The following PAM variants were observed in gnomAD, a reference collection of about 807,000 sequenced individuals.
The protein encoded by PAM is peptidylglycine alpha-amidating monooxygenase.
PAM carries 72 observed loss-of-function variants against 122.1 expected under a neutral mutation model. That is an observed-to-expected ratio of 0.59 (90% CI 0.49 to 0.72). PAM has a LOEUF of 0.72. Among genes scored for constraint, PAM ranks in the 30% least tolerant of loss-of-function variants. PAM has a pLI of 0.00. For synonymous variants in PAM, 389 were observed against 404.4 expected (o/e 0.96, Z 0.46); for missense variants, 1,106 against 1,183.7 (o/e 0.93, Z 0.96).
intron 3 of PAM, among the ~76,000 whole-genome samples, chr5:102,884,201 A>AT (rs1470515957): frequency 1.3e-5 from 2 of 151,864 alleles, no homozygotes; most frequent in African/African-American, 4.8e-5. Flanking sequence ...AATATATGTT[A>AT]TTTTATCATT....
At chr5:102,810,341 T>G (rs192755882) in intron 1 of PAM, among the ~76,000 whole-genome samples, 76 of 152,194 alleles carry the variant, frequency 5.0e-4, no homozygotes, top group Non-Finnish European at 1.0e-3. Context: ...TTCCAAGTAG[T>G]TTTAGGCAGT....
chr5:102,920,329 T>C (rs1746970779), intron 5 of PAM, among the ~76,000 whole-genome samples: 1 of 152,084 alleles, frequency 6.6e-6, no homozygotes, highest in African/African-American at 2.4e-5. Context: ...TGCCAAGCAC[T>C]TTGTTGGGCA....
At chr5:102,939,400 T>C (rs1362351323) in intron 7 of PAM, among the ~76,000 whole-genome samples, 1 of 152,152 alleles carries the variant, frequency 6.6e-6, no homozygotes, top group African/African-American at 2.4e-5. Flanking sequence ...TATCCTTGTT[T>C]CACAATTTAA....
chr5:103,029,274 A>G lies in PAM; in HGVS notation c.*209A>G, dbSNP rs1021699619. On this transcript the variant is annotated 3_prime_UTR_variant, in exon 26 of 26. Coordinates refer to ENST00000438793, the MANE Select transcript of PAM (RefSeq NM_001177306.2). ...AGTTCATAACAGTGCCATTGTCTTTATATGAACATAGACTAGAGAAACCGT... is the reference window on the plus strand; with the variant it reads ...AGTTCATAACAGTGCCATTGTCTTTGTATGAACATAGACTAGAGAAACCGT... The G allele has an allele frequency of 4.9e-6, 2 of 406,074 alleles. No homozygotes were observed. The highest frequency in any genetic ancestry group is 7.3e-5 in the East Asian group (2 of 27,260). 25.2% of individuals were successfully genotyped at this position (406,074 alleles called of 1,614,324 possible).
intron 1 of PAM, among the ~76,000 whole-genome samples, chr5:102,808,609 C>T (rs1225937197): frequency 6.6e-6 from 1 of 152,120 alleles, no homozygotes; most frequent in East Asian, 1.9e-4. Context: ...ATTGTATTGG[C>T]ATTTGATATG....
At chr5:102,987,180 A>T (rs1772142237) in intron 15 of PAM, among the ~76,000 whole-genome samples, 1 of 152,202 alleles carries the variant, frequency 6.6e-6, no homozygotes, top group Non-Finnish European at 1.5e-5. Flanking sequence ...GATAGAGAGA[A>T]GGTGGTGTAT....
At chr5:102,934,510 A>G (rs2151833699) in intron 7 of PAM, among the ~76,000 whole-genome samples, 1 of 152,218 alleles carries the variant, frequency 6.6e-6, no homozygotes, top group African/African-American at 2.4e-5. Context: ...TTCCTTCTTT[A>G]TTCTCAAGGC....
chr5:102,890,384 A>G (rs1209267497), intron 3 of PAM, among the ~76,000 whole-genome samples: 1 of 151,904 alleles, frequency 6.6e-6, no homozygotes, highest in Non-Finnish European at 1.5e-5. Flanking sequence ...AATGATCATC[A>G]TTGCCGTGGT....
intron 16 of PAM, 151 bp downstream of exon 16, chr5:102,990,552 A>G: frequency 1.9e-6 from 1 of 540,202 alleles, no homozygotes; most frequent in Non-Finnish European, 3.1e-6. Flanking sequence ...TTAATGTCTG[A>G]CTGTAGTAAG....
chr5:102,921,163 G>T (rs1747313449), intron 5 of PAM, among the ~76,000 whole-genome samples: 1 of 152,068 alleles, frequency 6.6e-6, no homozygotes, highest in Admixed American at 6.6e-5. Context: ...TAGTCTGGAG[G>T]AGCCTTATAG....
Position 102,766,872 on chromosome 5 carries a change from G to A in PAM, c.-374+11524G>A, listed in dbSNP as rs1045894765. 5.3e-5 allele frequency among the ~76,000 whole-genome samples: 6 copies of A among 113,662 alleles called. No homozygotes were observed. In the East Asian group the frequency reaches 8.1e-4, roughly 15 times the overall value. 74.6% of individuals were successfully genotyped at this position (113,662 alleles called of 152,430 possible). A position where few individuals can be genotyped will look rare whatever the true frequency, so the allele number is the denominator to read the frequency against. ...AAATATGCAATTCATATATTTATTCGTATAATTTTTATGTGGACTTTTTGT... is the reference window on the plus strand; with the variant it reads ...AAATATGCAATTCATATATTTATTCATATAATTTTTATGTGGACTTTTTGT... On this transcript the variant is annotated intron_variant, in intron 1 of 25. Transcript: ENST00000438793.
At chr5:102,762,672 T>C (rs535647166) in intron 1 of PAM, among the ~76,000 whole-genome samples, 6 of 152,288 alleles carry the variant, frequency 3.9e-5, no homozygotes, top group Admixed American at 3.9e-4. Context: ...GCGGTAACAA[T>C]GAGGGTTAAA....
intron 1 of PAM, among the ~76,000 whole-genome samples, chr5:102,848,186 G>A (rs1177982135): frequency 6.6e-6 from 1 of 151,684 alleles, no homozygotes; most frequent in Non-Finnish European, 1.5e-5. Flanking sequence ...TCTCTAAGCA[G>A]AAGTCATAGA....
chr5:102,884,538 A>G (rs979161091), intron 3 of PAM, among the ~76,000 whole-genome samples: 60 of 152,084 alleles, frequency 3.9e-4, no homozygotes, highest in African/African-American at 1.4e-3. Context: ...GCAACCATGC[A>G]TATCTTTTCC....
chr5:102,920,521 A>C (rs1325703906), intron 5 of PAM, among the ~76,000 whole-genome samples: 1 of 152,054 alleles, frequency 6.6e-6, no homozygotes, highest in Admixed American at 6.6e-5. Context: ...TACTATATTA[A>C]TGTCTGTCCA....
intron 1 of PAM, among the ~76,000 whole-genome samples, chr5:102,857,269 C>G (rs986160091): frequency 6.6e-6 from 1 of 152,072 alleles, no homozygotes; most frequent in South Asian, 2.1e-4. Context: ...TTGCTGGCCA[C>G]GTCAAAAAGG....
At chr5:102,932,057 A>C in intron 7 of PAM, among the ~76,000 whole-genome samples, 1 of 152,210 alleles carries the variant, frequency 6.6e-6, no homozygotes. Flanking sequence ...TGGGGATTAT[A>C]TTAGTAAAAT....
At chr5:102,801,224 G>C (rs1190491369) in intron 1 of PAM, among the ~76,000 whole-genome samples, 1 of 152,014 alleles carries the variant, frequency 6.6e-6, no homozygotes, top group African/African-American at 2.4e-5. Context: ...ACTAGACATA[G>C]TATAAAATAA....
chr5:102,991,945 A>G (rs530206129), intron 16 of PAM, among the ~76,000 whole-genome samples: 1 of 152,234 alleles, frequency 6.6e-6, no homozygotes, highest in Non-Finnish European at 1.5e-5. Flanking sequence ...TCTCCCATTG[A>G]TACTGTTTCA....
Sources: allele counts gnomAD v4.1 joint callset (sites outside exome capture counted in the v4.1 genomes callset), GRCh38; gene constraint gnomAD v4.1.1; transcripts MANE v1.5; gene names NCBI Gene and HGNC (gene_info 2026-07-23, HGNC 2026-07-21).